CD8B: variants seen among roughly 807,000 people sequenced by gnomAD.
CD8B encodes the protein T-cell surface glycoprotein CD8 beta chain.
CD8B carries 6 observed loss-of-function variants against 24.2 expected under a neutral mutation model. The ratio of observed to expected loss-of-function variants is 0.25; its 90% confidence interval spans 0.14 to 0.49. The LOEUF (loss-of-function observed/expected upper bound fraction) is 0.49. CD8B is among the 20% of genes least tolerant of loss of function. The pLI is 0.98. For missense variants in CD8B, 196 were observed against 271.3 expected, an observed-to-expected ratio of 0.72 and a Z score of 1.95; for synonymous variants, 84 against 108.3, an observed-to-expected ratio of 0.78 and a Z score of 1.39.
chr2:86,850,142 G>A (rs1414594702), intron 3 of CD8B, among the ~76,000 whole-genome samples: 1 of 152,138 alleles, frequency 6.6e-6, no homozygotes, highest in East Asian at 1.9e-4. Context: ...CTCCTCTGGA[G>A]CACTGTCTCC....
intron 5 of CD8B, among the ~76,000 whole-genome samples, chr2:86,842,575 A>G (rs2104541912): frequency 6.6e-6 from 1 of 152,360 alleles, no homozygotes; most frequent in Non-Finnish European, 1.5e-5. Context: ...AGTACCTCTA[A>G]GATAATCTAA....
intron 5 of CD8B, among the ~76,000 whole-genome samples, chr2:86,826,258 C>G (rs1178391241): frequency 6.6e-6 from 1 of 151,976 alleles, no homozygotes. Context: ...TTTTGTTTAG[C>G]CGGTGACACC....
chr2:86,822,517 A>C (rs1342293656), intron 5 of CD8B: 4 of 554,532 alleles, frequency 7.2e-6, no homozygotes, highest in African/African-American at 1.9e-5. Context: ...AGAATTATGA[A>C]ACCTATGGAA....
chr2:86,824,327 A>G (rs1255944359), intron 5 of CD8B, among the ~76,000 whole-genome samples: 3 of 152,122 alleles, frequency 2.0e-5, no homozygotes, highest in African/African-American at 7.2e-5. Context: ...TGGCCAAATC[A>G]GCCCGAAACC....
chr2:86,816,188 G>T (rs367878821), intron 5 of CD8B, among the ~76,000 whole-genome samples: 5 of 152,150 alleles, frequency 3.3e-5, no homozygotes, highest in African/African-American at 4.8e-5. Flanking sequence ...CTTCAGAGAG[G>T]TCCCCATGCT....
chr2:86,838,242 T>A lies in CD8B; in HGVS notation c.*4065A>T, dbSNP rs1675257075. ...TGATGTAAAAATTCACACAAGGAAC[T>A]GTACAAAGCAGAAGTGGAAATTCCG... On this transcript the variant is annotated 3_prime_UTR_variant, in exon 6 of 6. Transcript: ENST00000390655. Among the ~76,000 whole-genome samples the A allele has an allele frequency of 3.3e-5, 5 of 152,204 alleles. No homozygotes were observed.
At chr2:86,822,555 T>C (rs1390663541) in intron 5 of CD8B, among the ~76,000 whole-genome samples, 3 of 152,358 alleles carry the variant, frequency 2.0e-5, no homozygotes, top group South Asian at 4.1e-4. Context: ...GCAGACAGCA[T>C]GCTTGATATA....
chr2:86,823,890 G>T (rs1448293280), intron 5 of CD8B, among the ~76,000 whole-genome samples: 2 of 152,122 alleles, frequency 1.3e-5, no homozygotes, highest in Admixed American at 1.3e-4. Flanking sequence ...TTTGTAGGAT[G>T]ATGGGGAGTG....
chr2:86,835,773 CAT>C (rs1412689063), downstream of CD8B, among the ~76,000 whole-genome samples: 2 of 148,662 alleles, frequency 1.3e-5, no homozygotes, highest in Non-Finnish European at 3.0e-5. Context: ...CCCAGCCAAA[CAT>C]AACTTTTTTG....
At chr2:86,858,669 ATTTGT>A (rs1288378442) in intron 1 of CD8B, among the ~76,000 whole-genome samples, 5 of 143,620 alleles carry the variant, frequency 3.5e-5, no homozygotes, top group Admixed American at 2.1e-4. Flanking sequence ...GAGAGCTGCC[ATTTGT>A]TTATTGTGTA....
At chr2:86,823,468 T>C (rs866579031) in intron 5 of CD8B, among the ~76,000 whole-genome samples, 4 of 152,100 alleles carry the variant, frequency 2.6e-5, no homozygotes, top group Middle Eastern at 6.8e-3. Flanking sequence ...TTTGTGGAGA[T>C]GAGGTCTTAC....
At chr2:86,845,844 A>C in intron 4 of CD8B, among the ~76,000 whole-genome samples, 1 of 152,198 alleles carries the variant, frequency 6.6e-6, no homozygotes, top group Middle Eastern at 3.2e-3. Flanking sequence ...TTGTAGGCAA[A>C]AGTATGCTCC....
intron 5 of CD8B, chr2:86,844,485 T>A (rs1675576395): frequency 2.3e-6 from 1 of 440,920 alleles, no homozygotes; most frequent in African/African-American, 2.1e-5. Flanking sequence ...TGGGATGAGT[T>A]TGGGATACTC....
chr2:86,840,957 T>C lies in CD8B; in HGVS notation c.*1350A>G, dbSNP rs1237825133. ...TTGTCACAGGTAACTGAACATAACC[T>C]GATTTGTCAATGTCCTTCTTTGAGC... On this transcript the variant is annotated 3_prime_UTR_variant, in exon 6 of 6. Coordinates refer to ENST00000390655, the MANE Select transcript of CD8B (RefSeq NM_004931.5). Among the ~76,000 whole-genome samples the C allele has an allele frequency of 6.6e-6, 1 of 152,054 alleles. No homozygotes were observed. Among genetic ancestry groups the C allele is most frequent in the Non-Finnish European group, 1.5e-5 (1 of 68,006 alleles).
intron 5 of CD8B, 175 bp downstream of exon 5, chr2:86,844,747 A>G: frequency 5.9e-6 from 9 of 1,532,802 alleles, no homozygotes; most frequent in Non-Finnish European, 7.9e-6. Context: ...GGCTCAAGTG[A>G]TCCTCCTGCT....
intron 3 of CD8B, among the ~76,000 whole-genome samples, chr2:86,851,364 G>A (rs1282395756): frequency 2.0e-5 from 3 of 152,120 alleles, no homozygotes; most frequent in Non-Finnish European, 4.4e-5. Context: ...CTCCACAGCC[G>A]TAGCACACAA....
chr2:86,817,987 A>G (rs1399766219), intron 5 of CD8B, among the ~76,000 whole-genome samples: 2 of 152,170 alleles, frequency 1.3e-5, no homozygotes, highest in East Asian at 3.8e-4. Flanking sequence ...AGATGGGTAG[A>G]TCACCTGAGT....
intron 5 of CD8B, among the ~76,000 whole-genome samples, chr2:86,818,416 T>A (rs1674341629): frequency 6.6e-6 from 1 of 152,206 alleles, no homozygotes; most frequent in Non-Finnish European, 1.5e-5. Context: ...CTGGAGCAAA[T>A]CTATCAATGC....
At chr2:86,855,157 G>T (rs1242064898) in intron 2 of CD8B, among the ~76,000 whole-genome samples, 1 of 152,058 alleles carries the variant, frequency 6.6e-6, no homozygotes, top group Non-Finnish European at 1.5e-5. Context: ...GGGGGAACAG[G>T]CAGGGGAAGC....
Sources: allele counts gnomAD v4.1 joint callset (sites outside exome capture counted in the v4.1 genomes callset), GRCh38; gene constraint gnomAD v4.1.1; transcripts MANE v1.5; gene names NCBI Gene and HGNC (gene_info 2026-07-23, HGNC 2026-07-21).